AXIN2: variants seen among roughly 807,000 people sequenced by gnomAD.
AXIN2 encodes the protein axin-2.
AXIN2 carries 21 observed loss-of-function variants against 74.7 expected under a neutral mutation model. The ratio of observed to expected loss-of-function variants is 0.28; its 90% confidence interval spans 0.20 to 0.40. The LOEUF is 0.40. Among genes scored for constraint, AXIN2 ranks in the 10% least tolerant of loss-of-function variants. AXIN2 has a pLI of 1.00. For synonymous variants in AXIN2, 532 were observed against 454.9 expected (o/e 1.17, Z -2.16); for missense variants, 1,144 against 1,111.1 (o/e 1.03, Z -0.42).
chr17:65,541,632 T>C (rs1203620866), intron 3 of AXIN2, 75 bp from the exon 4 acceptor site: 2 of 1,267,378 alleles, frequency 1.6e-6, no homozygotes, highest in African/African-American at 2.9e-5. Context: ...TACTGTCATA[T>C]GCCATCTTGA....
chr17:65,537,920 G>T, intron 5 of AXIN2, 85 bp from the exon 6 acceptor site: 2 of 1,422,018 alleles, frequency 1.4e-6, no homozygotes, highest in Non-Finnish European at 1.9e-6. Context: ...GGCTCCCTAC[G>T]CAGGAGCACG....
intron 10 of AXIN2, among the ~76,000 whole-genome samples, chr17:65,531,497 GAA>G (rs924311314): frequency 6.6e-6 from 1 of 151,798 alleles, no homozygotes; most frequent in African/African-American, 2.4e-5. Flanking sequence ...ACAGTGGGGG[GAA>G]AAGTCACTTC....
intron 7 of AXIN2, 152 bp from the exon 8 acceptor site, chr17:65,536,705 C>CAT: frequency 1.4e-6 from 2 of 1,389,276 alleles, no homozygotes; most frequent in South Asian, 2.4e-5. Flanking sequence ...AGTGCCAAAA[C>CAT]ATGACATTTT....
intron 2 of AXIN2, among the ~76,000 whole-genome samples, chr17:65,555,592 C>T (rs1316885406): frequency 6.6e-6 from 1 of 152,124 alleles, no homozygotes; most frequent in African/African-American, 2.4e-5. Flanking sequence ...TTTCTCTCTA[C>T]AAAAGGCTTT....
intron 4 of AXIN2, among the ~76,000 whole-genome samples, chr17:65,539,149 T>C (rs2044001329): frequency 6.6e-6 from 1 of 152,162 alleles, no homozygotes; most frequent in Admixed American, 6.5e-5. Flanking sequence ...GCTGCCCAGC[T>C]TTCTGTCCTT....
At chr17:65,534,193 T>C (rs1037424008) in intron 9 of AXIN2, 114 bp from the exon 10 acceptor site, 1 of 1,351,854 alleles carries the variant, frequency 7.4e-7, no homozygotes, top group Non-Finnish European at 1.1e-6. Context: ...ACACTAGGGC[T>C]GCAATTGTAA....
At chr17:65,556,396 G>A (rs986373494) in intron 2 of AXIN2, among the ~76,000 whole-genome samples, 3 of 152,126 alleles carry the variant, frequency 2.0e-5, no homozygotes. Context: ...GGTGCCCGGC[G>A]ACTGACCTAC....
At chr17:65,552,509 G>C (rs1262369194) in intron 2 of AXIN2, among the ~76,000 whole-genome samples, 1 of 152,188 alleles carries the variant, frequency 6.6e-6, no homozygotes, top group African/African-American at 2.4e-5. Context: ...TAAACTCTCA[G>C]TAGGGACCAG....
rs2043971280 is a variant in AXIN2, at chr17:65,538,068, CCACACGCAGCCCACGCGCATG to C, written c.1200+114_1200+134del. The C allele has an allele frequency of 1.3e-5, 20 of 1,502,432 alleles. No homozygotes were observed. The South Asian group carries it at 2.0e-4, about 15-fold the overall frequency. 93.1% of individuals were successfully genotyped at this position (1,502,432 alleles called of 1,614,324 possible). ...ACACAGCCCACGCCCAGGCACACAC[CCACACGCAGCCCACGCGCATG>C]CGCATGCAACCCACGCACATGCGCA... On this transcript the variant is annotated intron_variant, in intron 5 of 10. Transcript: ENST00000307078.
Position 65,535,168 on chromosome 17 carries a change from T to A in AXIN2, c.2237+458A>T, listed in dbSNP as rs556180111. Among the ~76,000 whole-genome samples, 5 of 152,308 alleles carry A rather than the reference T, an allele frequency of 3.3e-5. No individual in the cohort carries two copies. The East Asian group carries it at 9.6e-4, about 29-fold the overall frequency. On this transcript the variant is annotated intron_variant, in intron 9 of 10. Coordinates refer to ENST00000307078, the MANE Select transcript of AXIN2 (RefSeq NM_004655.4). Reference sequence around the variant, plus strand: ...AAACGAGCAGGCTCCTCAACCTACTTTGAAAGAGACTAAATTTACAAAAAG... The same window carrying A: ...AAACGAGCAGGCTCCTCAACCTACTATGAAAGAGACTAAATTTACAAAAAG...
chr17:65,549,716 A>G, intron 2 of AXIN2, 56 bp from the exon 3 acceptor site: 3 of 1,559,196 alleles, frequency 1.9e-6, no homozygotes, highest in Non-Finnish European at 2.6e-6. Context: ...AAACCCAGGT[A>G]ATCAGGTGAC....
chr17:65,555,196 C>T (rs1447506213), intron 2 of AXIN2, among the ~76,000 whole-genome samples: 1 of 152,190 alleles, frequency 6.6e-6, no homozygotes, highest in Non-Finnish European at 1.5e-5. Flanking sequence ...CCCCAGGCAT[C>T]CGGCTGCCAA....
In AXIN2 at chr17:65,533,969, G is replaced by C. The variant is rs1484466355; in HGVS notation, c.2348C>G (p.Ala783Gly). 6.2e-7 allele frequency: 1 copy of C among 1,614,084 alleles called. No individual in the cohort carries two copies. Among genetic ancestry groups the C allele is most frequent in the African/African-American group, 1.3e-5 (1 of 74,930 alleles). ...EEIPYRRMLK[A>G]QSLTLGHFKE... ...AAAGTGGCCCAGGGTCAAGCTCTGA[G>C]CCTTCAGCATCCTCCGGTATGGAAT... Residue 783 changes from alanine to glycine, a missense_variant, in exon 10 of 11, where the codon GCT becomes GGT. Around this residue, in one of 4 missense-constraint regions of AXIN2, gnomAD observed 65 missense variants for 95.7 expected, o/e 0.68. Coordinates refer to ENST00000307078, the MANE Select transcript of AXIN2 (RefSeq NM_004655.4).
chr17:65,537,147 G>T, intron 6 of AXIN2, 84 bp from the exon 7 acceptor site: 1 of 1,560,526 alleles, frequency 6.4e-7, no homozygotes, highest in East Asian at 2.3e-5. Context: ...CAGCAAGTCG[G>T]GGGGCTGGTG....
intron 10 of AXIN2, among the ~76,000 whole-genome samples, chr17:65,533,489 G>A (rs538414659): frequency 2.0e-5 from 3 of 152,286 alleles, no homozygotes; most frequent in South Asian, 4.1e-4. Flanking sequence ...CCAGTAGGGC[G>A]GCGCTTCCAG....
Position 65,539,118 on chromosome 17 carries a change from C to T in AXIN2, c.1060-775G>A, listed in dbSNP as rs540506809. On this transcript the variant is annotated intron_variant, in intron 4 of 10. Transcript: ENST00000307078. ...AGGCACCGAGTACGCCTGCCAAAAG[C>T]AGCAAACAGAGAGAACCCCTGCTGC... Among the ~76,000 whole-genome samples the T allele has an allele frequency of 7.7e-4, 117 of 152,276 alleles. 3 individuals are homozygous for T. In the South Asian group the frequency reaches 0.023, roughly 30 times the overall value.
At chr17:65,549,747 T>C in intron 2 of AXIN2, 87 bp from the exon 3 acceptor site, 1 of 1,505,054 alleles carries the variant, frequency 6.6e-7, no homozygotes, top group Non-Finnish European at 9.0e-7. Context: ...CCCAGCACAC[T>C]ATCCCACAAT....
chr17:65,538,040 C>A, intron 5 of AXIN2, 163 bp downstream of exon 5: 1 of 1,396,694 alleles, frequency 7.2e-7, no homozygotes, highest in Admixed American at 2.0e-5. Context: ...CATGCACATG[C>A]GCACACAGCC....
intron 7 of AXIN2, 34 bp from the exon 8 acceptor site, chr17:65,536,587 G>A (rs943546564): frequency 1.9e-6 from 3 of 1,607,600 alleles, no homozygotes; most frequent in Non-Finnish European, 2.6e-6. Flanking sequence ...AAAACAGAAG[G>A]AAAGAAACTG....
Sources: gnomAD v4.1 joint callset for allele counts (sites outside exome capture counted in the v4.1 genomes callset) on GRCh38, gnomAD v4.1.1 for gene constraint, gnomAD v4.1.1 regional missense constraint, MANE v1.5 for transcripts, NCBI Gene and HGNC (gene_info 2026-07-23, HGNC 2026-07-21) for gene names.